Variants in BBS9 observed in about 807,000 individuals in gnomAD.
The protein encoded by BBS9 is protein PTHB1.
BBS9 carries 89 observed loss-of-function variants against 117.7 expected under a neutral mutation model. That is an observed-to-expected ratio of 0.76 (90% CI 0.64 to 0.90). BBS9 has a LOEUF of 0.90. Among genes scored for constraint, BBS9 ranks in the 40% least tolerant of loss-of-function variants. The pLI is 0.00. For missense variants in BBS9, 982 were observed against 1,042.2 expected (o/e 0.94, Z 0.80); for synonymous variants, 379 against 370.9 (o/e 1.02, Z -0.25).
intron 17 of BBS9, among the ~76,000 whole-genome samples, chr7:33,370,233 G>A (rs1822592120): frequency 6.6e-6 from 1 of 152,042 alleles, no homozygotes; most frequent in Non-Finnish European, 1.5e-5. Context: ...CAAGGTGGGA[G>A]GATCGCTTAA....
chr7:33,414,838 G>T (rs1056178298), intron 19 of BBS9, among the ~76,000 whole-genome samples: 2 of 73,992 alleles, frequency 2.7e-5, no homozygotes, highest in African/African-American at 1.1e-4. Flanking sequence ...GTGTATATTT[G>T]TAAGTGTTCC....
At chr7:33,462,382 A>G (rs1839594345) in intron 19 of BBS9, among the ~76,000 whole-genome samples, 1 of 152,106 alleles carries the variant, frequency 6.6e-6, no homozygotes, top group Admixed American at 6.6e-5. Context: ...TTGTAAATGC[A>G]GTAATATAGT....
chr7:33,496,932 C>T (rs1475304361), intron 19 of BBS9, among the ~76,000 whole-genome samples: 1 of 152,182 alleles, frequency 6.6e-6, no homozygotes, highest in Non-Finnish European at 1.5e-5. Context: ...AAAGTAAAAG[C>T]TTAGCCCTGG....
In BBS9 at chr7:33,344,634, G is replaced by A. The variant is rs774821284; in HGVS notation, c.1329G>A (p.Lys443=). The change falls in exon 12 of 23, where the codon AAG becomes AAA. Residue 443 remains lysine (K), a splice_region_variant and synonymous_variant. Coordinates refer to ENST00000242067, the MANE Select transcript of BBS9 (RefSeq NM_198428.3). ...ACCTTGTCCCTTCTGTCACGGTGAA[G>A]GTATTGTACCAGATTTTAGACTGTA... ...GTDLVPSVTV[K]VTLQNRVILQ... 1.2e-6 allele frequency: 2 copies of A among 1,613,678 alleles called. No homozygotes were observed. Among genetic ancestry groups the A allele is most frequent in the East Asian group, 2.2e-5 (1 of 44,864 alleles).
chr7:33,162,496 T>C, intron 4 of BBS9, among the ~76,000 whole-genome samples: 1 of 151,004 alleles, frequency 6.6e-6, no homozygotes, highest in Non-Finnish European at 1.5e-5. Flanking sequence ...TTGTGTCCTC[T>C]TTTATTTTGT....
chr7:33,220,064 G>A (rs1229074050), intron 5 of BBS9, among the ~76,000 whole-genome samples: 1 of 152,084 alleles, frequency 6.6e-6, no homozygotes, highest in Non-Finnish European at 1.5e-5. Context: ...TCACCGCGAG[G>A]GTCCGTGGCT....
intron 9 of BBS9, among the ~76,000 whole-genome samples, chr7:33,283,973 T>C (rs560055484): frequency 6.6e-6 from 1 of 152,288 alleles, no homozygotes; most frequent in East Asian, 1.9e-4. Flanking sequence ...AGGTCCTTGG[T>C]GCTAAGAATC....
chr7:33,198,881 G>A (rs546210147), intron 5 of BBS9, among the ~76,000 whole-genome samples: 1 of 152,098 alleles, frequency 6.6e-6, no homozygotes, highest in East Asian at 1.9e-4. Flanking sequence ...GACTTCAGCA[G>A]TGGTTTTAAT....
intron 1 of BBS9, among the ~76,000 whole-genome samples, chr7:33,131,425 T>G (rs1323508312): frequency 6.6e-6 from 1 of 152,208 alleles, no homozygotes; most frequent in Non-Finnish European, 1.5e-5. Context: ...GCCCTTTGAG[T>G]CTTTTGTTGA....
At chr7:33,206,569 C>T (rs1035701458) in intron 5 of BBS9, among the ~76,000 whole-genome samples, 8 of 152,092 alleles carry the variant, frequency 5.3e-5, no homozygotes, top group African/African-American at 1.9e-4. Flanking sequence ...TGCTCTGTCT[C>T]CTTCTCTCCC....
intron 9 of BBS9, among the ~76,000 whole-genome samples, chr7:33,331,427 A>G (rs1174517373): frequency 6.6e-6 from 1 of 152,182 alleles, no homozygotes; most frequent in Non-Finnish European, 1.5e-5. Flanking sequence ...CAGAGCAATC[A>G]GACAAAAGAA....
intron 9 of BBS9, among the ~76,000 whole-genome samples, chr7:33,304,035 C>T (rs541952220): frequency 2.9e-4 from 43 of 148,228 alleles, no homozygotes; most frequent in African/African-American, 6.7e-4. Context: ...CGCCTCTGCC[C>T]GGCCGCCACC....
intron 4 of BBS9, among the ~76,000 whole-genome samples, chr7:33,167,452 G>A (rs1795875723): frequency 6.6e-6 from 1 of 150,566 alleles, no homozygotes; most frequent in Admixed American, 6.6e-5. Context: ...GCCCAGGCTG[G>A]AGTGCAGTGG....
In BBS9 at chr7:33,536,676, G is replaced by GGCCTTCCCCGCGCCCCCC. The variant is rs1851427486; in HGVS notation, c.2521+2509_2521+2510insGCGCCCCCCGCCTTCCCC. On this transcript the variant is annotated intron_variant, in intron 21 of 22. Coordinates refer to ENST00000242067, the MANE Select transcript of BBS9 (RefSeq NM_198428.3). ...TCCTGTGTAAGCTGTTCTGTGATTC[G>GGCCTTCCCCGCGCCCCCC]GCCTTCCCCCCGCCCCCCGCCTCCC... Among the ~76,000 whole-genome samples the GGCCTTCCCCGCGCCCCCC allele has an allele frequency of 2.3e-4, 7 of 30,818 alleles. 1 individual carries two copies. Among genetic ancestry groups the GGCCTTCCCCGCGCCCCCC allele is most frequent in the South Asian group, 1.4e-3 (1 of 730 alleles). The allele number at this position is 30,818 out of a possible 152,430, so 20.2% of individuals were successfully genotyped here. A position where few individuals can be genotyped will look rare whatever the true frequency, so the allele number is the denominator to read the frequency against.
chr7:33,191,574 G>C (rs1784123436), intron 5 of BBS9, among the ~76,000 whole-genome samples: 1 of 152,194 alleles, frequency 6.6e-6, no homozygotes, highest in Admixed American at 6.5e-5. Flanking sequence ...GTGTGTATAT[G>C]AATTGGAGAA....
intron 5 of BBS9, among the ~76,000 whole-genome samples, chr7:33,229,533 C>T (rs1217245261): frequency 1.3e-5 from 2 of 152,044 alleles, no homozygotes; most frequent in Non-Finnish European, 2.9e-5. Context: ...ATAATATCCT[C>T]CATGTTGATC....
chr7:33,201,909 A>C (rs1251860152), intron 5 of BBS9, among the ~76,000 whole-genome samples: 1 of 152,182 alleles, frequency 6.6e-6, no homozygotes, highest in African/African-American at 2.4e-5. Flanking sequence ...CCTGTGTGAA[A>C]AAGGAAAGGG....
chr7:33,575,565 A>G (rs60406451), intron 21 of BBS9, among the ~76,000 whole-genome samples: 11,131 of 152,226 alleles, frequency 0.073, 735 homozygotes, highest in African/African-American at 0.18. Flanking sequence ...TTATGAGGCC[A>G]GTATCATCCT....
intron 12 of BBS9, among the ~76,000 whole-genome samples, chr7:33,348,653 G>A (rs147758562): frequency 6.6e-6 from 1 of 152,238 alleles, no homozygotes; most frequent in African/African-American, 2.4e-5. Flanking sequence ...TCTTAGAGTA[G>A]CTGTACCAAT....
Sources: allele counts gnomAD v4.1 joint callset (sites outside exome capture counted in the v4.1 genomes callset), GRCh38; gene constraint gnomAD v4.1.1; transcripts MANE v1.5; gene names NCBI Gene and HGNC (gene_info 2026-07-23, HGNC 2026-07-21).